The following NDRG3 variants were observed in gnomAD, a reference collection of about 807,000 sequenced individuals.
NDRG3 encodes protein NDRG3.
In NDRG3, 23 loss-of-function variants were observed where a neutral mutation model predicts 57.2. The ratio of observed to expected loss-of-function variants is 0.40; its 90% confidence interval spans 0.29 to 0.57. The LOEUF is 0.57. Ranked by LOEUF, NDRG3 falls within the 20% of genes least tolerant of loss-of-function variation. The pLI is 0.42. For synonymous variants in NDRG3, 132 were observed against 162.6 expected, an observed-to-expected ratio of 0.81 and a Z score of 1.43; for missense variants, 384 against 457.3, an observed-to-expected ratio of 0.84 and a Z score of 1.46.
At chr20:36,707,342 G>A (rs1185473483) in intron 2 of NDRG3, among the ~76,000 whole-genome samples, 1 of 152,190 alleles carries the variant, frequency 6.6e-6, no homozygotes, top group East Asian at 1.9e-4. Flanking sequence ...CCACAGTCTG[G>A]AAGCACACCT....
intron 6 of NDRG3, 48 bp downstream of exon 6, chr20:36,684,365 C>A (rs1981591503): frequency 6.9e-7 from 1 of 1,459,220 alleles, no homozygotes; most frequent in South Asian, 1.1e-5. Flanking sequence ...AATAATTCAC[C>A]ATAGAAAGTC....
chr20:36,737,085 C>G (rs1027458328), intron 1 of NDRG3, among the ~76,000 whole-genome samples: 1 of 152,166 alleles, frequency 6.6e-6, no homozygotes, highest in Non-Finnish European at 1.5e-5. Context: ...GACTGCCAAG[C>G]TGGAAATCTG....
chr20:36,678,733 G>T (rs1344581741), intron 8 of NDRG3, among the ~76,000 whole-genome samples: 1 of 152,182 alleles, frequency 6.6e-6, no homozygotes, highest in Non-Finnish European at 1.5e-5. Flanking sequence ...ACATTTAAAA[G>T]ATGATGTAAT....
At chr20:36,737,096 A>G (rs780723584) in intron 1 of NDRG3, among the ~76,000 whole-genome samples, 1 of 152,112 alleles carries the variant, frequency 6.6e-6, no homozygotes, top group Non-Finnish European at 1.5e-5. Context: ...TGGAAATCTG[A>G]GTCTGTCTTA....
In NDRG3 at chr20:36,666,379, G is replaced by C. The variant is rs1434482134; in HGVS notation, c.602C>G (p.Ala201Gly). 6.2e-7 allele frequency: 1 copy of C among 1,613,094 alleles called. No homozygotes were observed. Among genetic ancestry groups the C allele is most frequent in the Admixed American group, 1.7e-5 (1 of 60,004 alleles). The change falls in exon 10 of 16, where the codon GCC (alanine) becomes GGC (glycine). Residue 201 changes from alanine (A) to glycine (G), a missense_variant. Transcript: ENST00000349004. ...GTAGGTTTGGATCAGGTCCAGGTTGGCCTGTAACTCTTCCTAGAACAATTG... is the reference window on the plus strand; with the variant it reads ...GTAGGTTTGGATCAGGTCCAGGTTGCCCTGTAACTCTTCCTAGAACAATTG... ...AHHFGQEELQ[A>G]NLDLIQTYRM... is the part of the protein sequence containing the mutation.
chr20:36,680,882 C>G lies in NDRG3; in HGVS notation c.465G>C (p.Val155=). 6.2e-7 allele frequency: 1 copy of G among 1,614,028 alleles called. No individual in the cohort carries two copies. ...SRFALNHPEL[V]EGLVLINVDP... ...CAACATTAATGAGCACAAGGCCTTC[C>G]ACAAGCTCTGGATGGTTGAGCTGAA... is the stretch of plus-strand genomic sequence containing the variant. Residue 155 remains valine, a synonymous_variant, in exon 8 of 16, where the codon GTG becomes GTC. Coordinates refer to ENST00000349004, the MANE Select transcript of NDRG3 (RefSeq NM_032013.4).
At chr20:36,660,695 G>C (rs1028730412) in intron 12 of NDRG3, among the ~76,000 whole-genome samples, 5 of 151,724 alleles carry the variant, frequency 3.3e-5, no homozygotes, top group Non-Finnish European at 7.4e-5. Flanking sequence ...CGAGTAGCTG[G>C]GACTACAGGC....
intron 1 of NDRG3, among the ~76,000 whole-genome samples, chr20:36,724,954 A>C (rs1984831972): frequency 1.3e-5 from 2 of 151,278 alleles, no homozygotes; most frequent in Non-Finnish European, 2.9e-5. Context: ...AAACAAAACA[A>C]AACCAGCTTT....
At chr20:36,665,475 C>A (rs1979548773) in intron 10 of NDRG3, among the ~76,000 whole-genome samples, 174 bp from the exon 11 acceptor site, 1 of 152,088 alleles carries the variant, frequency 6.6e-6, no homozygotes, top group African/African-American at 2.4e-5. Context: ...TCAGTGGCAT[C>A]CTGGGTGGTA....
At position 36,687,603 on chromosome 20, in the gene NDRG3, C is replaced by G; in HGVS notation, c.209G>C (p.Cys70Ser). The G allele has an allele frequency of 6.2e-7, 1 of 1,613,344 alleles. No homozygotes were observed. Among genetic ancestry groups the G allele is most frequent in the Non-Finnish European group, 8.5e-7 (1 of 1,179,612 alleles). Reference sequence around the variant, plus strand: ...CTCAAAGTTAAAGAATGCATTGAAACAGGATTTATCTATAAGAATAAAAAT... The same window carrying G: ...CTCAAAGTTAAAGAATGCATTGAAAGAGGATTTATCTATAAGAATAAAAAT... ...YHDIGLNHKS[C>S]FNAFFNFEDM... The change falls in exon 5 of 16, where the codon TGT (cysteine) becomes TCT (serine). Residue 70 changes from cysteine to serine, a missense_variant. Transcript: ENST00000349004.
At chr20:36,665,201 T>C (rs1403087170) in intron 11 of NDRG3, 35 bp downstream of exon 11, 3 of 1,612,568 alleles carry the variant, frequency 1.9e-6, no homozygotes, top group Non-Finnish European at 2.5e-6. Context: ...TTAGTCTATA[T>C]TTGGCAAGTC....
intron 3 of NDRG3, chr20:36,700,741 A>G (rs1983171737): frequency 5.3e-6 from 1 of 188,800 alleles, no homozygotes; most frequent in Admixed American, 6.3e-5. Context: ...GATCTCTCCC[A>G]TCTCTCCCAG....
chr20:36,697,129 G>A (rs1217648481), intron 3 of NDRG3, among the ~76,000 whole-genome samples: 1 of 152,162 alleles, frequency 6.6e-6, no homozygotes. Flanking sequence ...CAGAGACAAA[G>A]CGTAGATGGA....
intron 1 of NDRG3, among the ~76,000 whole-genome samples, chr20:36,739,472 C>T (rs1409461812): frequency 7.0e-6 from 1 of 142,416 alleles, no homozygotes; most frequent in Non-Finnish European, 1.5e-5. Context: ...AAAAAAAAAG[C>T]TGTCAACTTG....
rs184744240 is a variant in NDRG3 at position 36,717,232 on chromosome 20, G to C, written c.57+4447C>G. Among the ~76,000 whole-genome samples the C allele has an allele frequency of 3.9e-5, 6 of 152,246 alleles. No homozygotes were observed. The East Asian group carries it at 7.7e-4, about 20-fold the overall frequency. On this transcript the variant is annotated intron_variant, in intron 2 of 15. Coordinates refer to ENST00000349004, the MANE Select transcript of NDRG3 (RefSeq NM_032013.4). ...GGCATACTAAAATAAAATGGGAAAA[G>C]TACCAACAAATGACAAGAGACAACA...
Position 36,687,482 on chromosome 20 carries a change from G to C in NDRG3, c.320+10C>G, listed in dbSNP as rs199653089. On this transcript the variant is annotated intron_variant, in intron 5 of 15. Transcript: ENST00000349004. Reference sequence around the variant, plus strand: ...TGCACGTCTCCCAGATGATCTTTTCGTGGCCTTACCCTGTTGGGAAAGAGG... The same window carrying C: ...TGCACGTCTCCCAGATGATCTTTTCCTGGCCTTACCCTGTTGGGAAAGAGG... 1.2e-6 allele frequency: 2 copies of C among 1,611,290 alleles called. No individual in the cohort carries two copies. The highest frequency in any genetic ancestry group is 2.2e-5 in the South Asian group (2 of 90,766).
intron 1 of NDRG3, among the ~76,000 whole-genome samples, chr20:36,734,444 C>T (rs543763384): frequency 2.6e-5 from 4 of 152,172 alleles, no homozygotes; most frequent in Non-Finnish European, 4.4e-5. Flanking sequence ...TCTGCTTAAG[C>T]AGTTAGGATT....
At chr20:36,664,295 G>C (rs989701698) in intron 12 of NDRG3, among the ~76,000 whole-genome samples, 3 of 151,878 alleles carry the variant, frequency 2.0e-5, no homozygotes, top group African/African-American at 7.3e-5. Context: ...CTGTCTTTAG[G>C]TAATGGGATC....
Position 36,721,758 on chromosome 20 carries a change from G to A in NDRG3, c.-23C>T. 6.4e-7 allele frequency: 1 copy of A among 1,560,632 alleles called. No homozygotes were observed. Among genetic ancestry groups the A allele is most frequent in the South Asian group, 1.1e-5 (1 of 88,378 alleles). ...CATGAGGTCAGATAACGAGAGTAGA[G>A]GAATCTCAAGAATAAATCAGTAACT... On this transcript the variant is annotated 5_prime_UTR_variant, in exon 2 of 16. Transcript: ENST00000349004.
Sources: allele counts gnomAD v4.1 joint callset (sites outside exome capture counted in the v4.1 genomes callset), GRCh38; gene constraint gnomAD v4.1.1; transcripts MANE v1.5; gene names NCBI Gene and HGNC (gene_info 2026-07-23, HGNC 2026-07-21).